The following ARHGAP15 variants were observed in gnomAD, a reference collection of about 807,000 sequenced individuals.
The protein encoded by ARHGAP15 is rho GTPase-activating protein 15.
ARHGAP15 carries 51 observed loss-of-function variants against 63.7 expected under a neutral mutation model. The observed-to-expected ratio is 0.80, with a 90% CI of 0.64 to 1.01. The LOEUF (loss-of-function observed/expected upper bound fraction) is 1.01, where lower values mean the gene tolerates loss of function less well. ARHGAP15 is among the 50% of genes least tolerant of loss of function. ARHGAP15 has a pLI of 0.00. For missense variants in ARHGAP15, 560 were observed against 564.6 expected, an observed-to-expected ratio of 0.99 and a Z score of 0.08; for synonymous variants, 191 against 193.8, an observed-to-expected ratio of 0.99 and a Z score of 0.12.
chr2:143,321,056 C>CCCTGGATG (rs991708241), intron 6 of ARHGAP15, among the ~76,000 whole-genome samples: 9 of 152,224 alleles, frequency 5.9e-5, no homozygotes, highest in African/African-American at 1.4e-4. Context: ...TCATGGGTAC[C>CCCTGGATG]CCTGGATGCC....
intron 13 of ARHGAP15, among the ~76,000 whole-genome samples, chr2:143,713,138 A>G (rs1457044560): frequency 6.6e-6 from 1 of 152,236 alleles, no homozygotes; most frequent in African/African-American, 2.4e-5. Flanking sequence ...TGATAAAGAC[A>G]TACCCAAGGC....
At chr2:143,441,944 G>T (rs1689901177) in intron 8 of ARHGAP15, among the ~76,000 whole-genome samples, 2 of 152,032 alleles carry the variant, frequency 1.3e-5, no homozygotes, top group East Asian at 1.9e-4. Context: ...AATAATTAGG[G>T]TATATGTATT....
At chr2:143,195,999 GA>G (rs1691873018) in intron 2 of ARHGAP15, among the ~76,000 whole-genome samples, 1 of 151,962 alleles carries the variant, frequency 6.6e-6, no homozygotes, top group Non-Finnish European at 1.5e-5. Context: ...AGGGATGGAA[GA>G]AAAAATGAAG....
At chr2:143,405,783 T>C (rs1688175775) in intron 6 of ARHGAP15, among the ~76,000 whole-genome samples, 1 of 151,892 alleles carries the variant, frequency 6.6e-6, no homozygotes, top group Non-Finnish European at 1.5e-5. Flanking sequence ...ACCAGGACCC[T>C]AGACTTTCTC....
rs879836452 is a variant in ARHGAP15, at chr2:143,468,670, G to GTA, written c.704-18702_704-18701insAT. Among the ~76,000 whole-genome samples, 1,268 of 149,138 alleles carry GTA rather than the reference G, an allele frequency of 8.5e-3. 13 individuals are homozygous for GTA. The highest frequency in any genetic ancestry group is 0.014 in the Non-Finnish European group (941 of 67,836). On this transcript the variant is annotated intron_variant, in intron 8 of 13. Coordinates refer to ENST00000295095, the MANE Select transcript of ARHGAP15 (RefSeq NM_018460.4). Reference sequence around the variant, plus strand: ...AGAGAGAGAGAGAGAGAGAGTGTGTGTGTGTGTGTGTGTGTGTTGTAAAAG... The same window carrying GTA: ...AGAGAGAGAGAGAGAGAGAGTGTGTGTATGTGTGTGTGTGTGTGTTGTAAAAG...
chr2:143,723,982 C>T (rs182097659), intron 13 of ARHGAP15, among the ~76,000 whole-genome samples: 89 of 152,166 alleles, frequency 5.8e-4, no homozygotes, highest in Non-Finnish European at 9.6e-4. Flanking sequence ...ACTTCAGGCA[C>T]GTCACTTCAC....
chr2:143,606,035 C>CAAAAA (rs869266541), intron 11 of ARHGAP15, among the ~76,000 whole-genome samples: 934 of 22,820 alleles, frequency 0.041, 216 homozygotes, highest in East Asian at 0.051. Flanking sequence ...GACTCTGTCT[C>CAAAAA]AAAAAAAAAA....
intron 11 of ARHGAP15, chr2:143,608,551 C>A (rs149906004): frequency 6.6e-6 from 1 of 152,148 alleles, no homozygotes; most frequent in African/African-American, 2.4e-5. Flanking sequence ...AGTAGTCACA[C>A]GGAAATTACT....
intron 9 of ARHGAP15, among the ~76,000 whole-genome samples, chr2:143,509,838 T>C (rs2104956031): frequency 6.6e-6 from 1 of 151,842 alleles, no homozygotes; most frequent in South Asian, 2.1e-4. Context: ...CTGGCCAAAG[T>C]GGTGAAACCC....
chr2:143,715,621 G>A (rs1684777759), intron 13 of ARHGAP15, among the ~76,000 whole-genome samples: 1 of 152,124 alleles, frequency 6.6e-6, no homozygotes, highest in Non-Finnish European at 1.5e-5. Context: ...CTGTATATTA[G>A]ACCTTTGTCA....
rs563075109 is a variant in ARHGAP15, at chr2:143,274,313, G to GA, written c.474+23723dup. Among the ~76,000 whole-genome samples, 198 of 148,762 alleles carry GA rather than the reference G, an allele frequency of 1.3e-3. 1 individual carries two copies. Among genetic ancestry groups the GA allele is most frequent in the African/African-American group, 3.7e-3 (151 of 40,696 alleles). ...TTAATAACTAGTTTGTTTCCACAGA[G>GA]AAAAAAAAAATCCAAAGCTCTTCAT... is the stretch of plus-strand genomic sequence containing the variant. On this transcript the variant is annotated intron_variant, in intron 6 of 13. Transcript: ENST00000295095.
chr2:143,583,630 T>A (rs1696996785), intron 11 of ARHGAP15, among the ~76,000 whole-genome samples: 1 of 152,304 alleles, frequency 6.6e-6, no homozygotes. Context: ...CAAAAATTAC[T>A]GTAGGGAGTT....
chr2:143,586,024 G>T (rs141212873), intron 11 of ARHGAP15, among the ~76,000 whole-genome samples: 1,661 of 152,102 alleles, frequency 0.011, 29 homozygotes, highest in African/African-American at 0.038. Flanking sequence ...GTCTTATACT[G>T]GAAGAGCATG....
chr2:143,575,181 T>A (rs1200685546), intron 11 of ARHGAP15, among the ~76,000 whole-genome samples: 2 of 152,196 alleles, frequency 1.3e-5, no homozygotes, highest in African/African-American at 2.4e-5. Context: ...TAAGTACTTG[T>A]GTGTTGTAAA....
chr2:143,627,180 A>AT (rs1383694514), intron 12 of ARHGAP15, among the ~76,000 whole-genome samples: 1 of 152,168 alleles, frequency 6.6e-6, no homozygotes, highest in Non-Finnish European at 1.5e-5. Flanking sequence ...AATTTATGGC[A>AT]TTTTTTATAG....
At chr2:143,160,813 T>C (rs1690263433) in intron 2 of ARHGAP15, among the ~76,000 whole-genome samples, 1 of 151,946 alleles carries the variant, frequency 6.6e-6, no homozygotes, top group Non-Finnish European at 1.5e-5. Flanking sequence ...TTTAACTCTA[T>C]TTACCAAGCA....
intron 1 of ARHGAP15, among the ~76,000 whole-genome samples, chr2:143,131,558 C>T (rs1361298165): frequency 6.6e-6 from 1 of 152,146 alleles, no homozygotes; most frequent in Non-Finnish European, 1.5e-5. Context: ...TTTAGAGTCC[C>T]ATAGACTTGG....
chr2:143,660,849 GTTCTATTAGTT>G (rs778236687), intron 12 of ARHGAP15, among the ~76,000 whole-genome samples: 3 of 152,156 alleles, frequency 2.0e-5, no homozygotes, highest in Non-Finnish European at 2.9e-5. Context: ...CTCATCCCAC[GTTCTATTAGTT>G]TTCTATTGCT....
chr2:143,340,276 G>A (rs925980167), intron 6 of ARHGAP15, among the ~76,000 whole-genome samples: 1 of 151,304 alleles, frequency 6.6e-6, no homozygotes, highest in Non-Finnish European at 1.5e-5. Context: ...AAAGTGACCA[G>A]TAATAAACCA....
Sources: gnomAD v4.1 joint callset for allele counts (sites outside exome capture counted in the v4.1 genomes callset) on GRCh38, gnomAD v4.1.1 for gene constraint, MANE v1.5 for transcripts, NCBI Gene and HGNC (gene_info 2026-07-23, HGNC 2026-07-21) for gene names.